LINS1: variants seen among roughly 807,000 people sequenced by gnomAD.
LINS1 encodes the protein protein Lines homolog 1.
LINS1 carries 27 observed loss-of-function variants against 41.6 expected under a neutral mutation model. The observed-to-expected ratio is 0.65, with a 90% CI of 0.48 to 0.89. The LOEUF (loss-of-function observed/expected upper bound fraction) is 0.89. Among genes scored for constraint, LINS1 ranks in the 40% least tolerant of loss-of-function variants. The pLI is 0.00. For missense variants in LINS1, 955 were observed against 884.1 expected, an observed-to-expected ratio of 1.08 and a Z score of -1.02; for synonymous variants, 336 against 312.9, an observed-to-expected ratio of 1.07 and a Z score of -0.78.
rs56911211 is a variant in LINS1, at chr15:100,600,551, CAAA to C, written c.-104+1567_-104+1569del. Among the ~76,000 whole-genome samples, 97 of 79,680 alleles carry C rather than the reference CAAA, an allele frequency of 1.2e-3. 4 individuals carry two copies. Among genetic ancestry groups the C allele is most frequent in the African/African-American group, 5.7e-3 (86 of 15,012 alleles). 52.3% of individuals were successfully genotyped at this position (79,680 alleles called of 152,430 possible). ...TTTACATTGGAGTCCTGCTGTTAAGCAAAAAAAAAAAAAAAAAAAACAGGGAGA... is the reference window on the plus strand; with the variant it reads ...TTTACATTGGAGTCCTGCTGTTAAGCAAAAAAAAAAAAAAAAACAGGGAGA... On this transcript the variant is annotated intron_variant, in intron 1 of 6. Coordinates refer to ENST00000314742, the MANE Select transcript of LINS1 (RefSeq NM_001040616.3).
At chr15:100,601,915 T>C (rs1410624407) in intron 1 of LINS1, among the ~76,000 whole-genome samples, 1 of 152,128 alleles carries the variant, frequency 6.6e-6, no homozygotes, top group Non-Finnish European at 1.5e-5. Context: ...GCCTGGAAGC[T>C]AACGGGGTCT....
chr15:100,596,562 A>G (rs2039252946), intron 1 of LINS1, among the ~76,000 whole-genome samples: 2 of 152,378 alleles, frequency 1.3e-5, no homozygotes, highest in Admixed American at 6.5e-5. Flanking sequence ...TACAGGAGCT[A>G]GAAATTATTT....
chr15:100,595,012 C>T (rs2039186624), intron 1 of LINS1, among the ~76,000 whole-genome samples: 1 of 152,160 alleles, frequency 6.6e-6, no homozygotes, highest in Admixed American at 6.5e-5. Flanking sequence ...GTTACTATGA[C>T]CTTGATTTTA....
chr15:100,593,244 A>T (rs1300533728), intron 1 of LINS1, among the ~76,000 whole-genome samples: 2 of 152,222 alleles, frequency 1.3e-5, no homozygotes, highest in African/African-American at 4.8e-5. Context: ...GGGCAGTCTT[A>T]CTAGGTAAGT....
At chr15:100,580,221 T>A (rs2141306257) in intron 3 of LINS1, 42 bp downstream of exon 3, 1 of 1,419,038 alleles carries the variant, frequency 7.0e-7, no homozygotes, top group East Asian at 2.5e-5. Context: ...TAAAAAAAAT[T>A]AAGAAAGAGA....
At chr15:100,597,221 A>G (rs1009733628) in intron 1 of LINS1, among the ~76,000 whole-genome samples, 2 of 152,018 alleles carry the variant, frequency 1.3e-5, no homozygotes, top group Non-Finnish European at 2.9e-5. Flanking sequence ...TGGCAACAGT[A>G]TCTTTCTCAA....
At chr15:100,584,834 G>C (rs1473528197) in intron 1 of LINS1, among the ~76,000 whole-genome samples, 1 of 152,204 alleles carries the variant, frequency 6.6e-6, no homozygotes, top group African/African-American at 2.4e-5. Context: ...TGTTCCACCT[G>C]TGCTTCTGAT....
intron 1 of LINS1, among the ~76,000 whole-genome samples, chr15:100,593,569 G>GA (rs1567100299): frequency 1.5e-5 from 2 of 136,822 alleles, no homozygotes; most frequent in Non-Finnish European, 3.2e-5. Context: ...TGGGGGGGGG[G>GA]GGTGCTTAAT....
intron 4 of LINS1, 41 bp downstream of exon 4, chr15:100,574,946 G>C (rs768286913): frequency 6.2e-7 from 1 of 1,600,818 alleles, no homozygotes; most frequent in Non-Finnish European, 8.5e-7. Context: ...ACGCTCCCAG[G>C]AGCAAGATGA....
intron 1 of LINS1, among the ~76,000 whole-genome samples, chr15:100,596,725 CA>C (rs2039262756): frequency 6.6e-6 from 1 of 152,176 alleles, no homozygotes; most frequent in Non-Finnish European, 1.5e-5. Flanking sequence ...TGAATGCCGG[CA>C]GCTGTGCCAA....
rs755488481 is a variant in LINS1, at chr15:100,572,107, G to C, written c.1223-42C>G. The C allele has an allele frequency of 2.5e-6, 4 of 1,608,864 alleles. No individual in the cohort carries two copies. The African/African-American group carries it at 5.4e-5, about 22-fold the overall frequency. On this transcript the variant is annotated intron_variant, in intron 5 of 6. Transcript: ENST00000314742. ...TTTCAAAGTGTAGGCAATAGTTTAT[G>C]AATGAATGAATATCTTGCCTATATA...
In LINS1 at chr15:100,573,887, TGATG is replaced by T. The variant is rs774968400; in HGVS notation, c.982_985del (p.His328MetfsTer2). ...TAAAGCCAGCATGTCCACCGCTACA[TGATG>T]GTCTGGCGGCATTAAGGCAGGCACA... On this transcript the variant is annotated frameshift_variant, in exon 5 of 7. Transcript: ENST00000314742. LOFTEE classifies it high-confidence loss of function. 1.3e-5 allele frequency: 21 copies of T among 1,614,118 alleles called. No individual in the cohort carries two copies. Among genetic ancestry groups the T allele is most frequent in the Middle Eastern group, 1.6e-4 (1 of 6,084 alleles).
chr15:100,591,804 C>T (rs2039051104), intron 1 of LINS1, among the ~76,000 whole-genome samples: 4 of 152,076 alleles, frequency 2.6e-5, no homozygotes, highest in Admixed American at 1.3e-4. Context: ...CAGAGAGGGG[C>T]GAGAGTTCCA....
chr15:100,596,223 A>G (rs954679842), intron 1 of LINS1, among the ~76,000 whole-genome samples: 1 of 152,178 alleles, frequency 6.6e-6, no homozygotes, highest in East Asian at 1.9e-4. Context: ...CCTCAAAACA[A>G]TAGTACTCAA....
rs2037981264 is a variant in LINS1 at position 100,573,721 on chromosome 15, T to C, written c.1152A>G (p.Ala384=). Reference sequence around the variant, plus strand: ...AGGATTTCATTATAACTAAGCTTGCTGCTCTAAGGATCACATGATCTGGAC... The same window carrying C: ...AGGATTTCATTATAACTAAGCTTGCCGCTCTAAGGATCACATGATCTGGAC... ...ITSPDHVILR[A]ASLVIMKSLE... Residue 384 remains alanine (A), a synonymous_variant, in exon 5 of 7, where the codon GCA becomes GCG. Coordinates refer to ENST00000314742, the MANE Select transcript of LINS1 (RefSeq NM_001040616.3). 1 of 1,613,062 alleles carries C rather than the reference T, an allele frequency of 6.2e-7. No homozygotes were observed. The highest frequency in any genetic ancestry group is 8.5e-7 in the Non-Finnish European group (1 of 1,179,182).
At chr15:100,595,570 A>C (rs568702585) in intron 1 of LINS1, among the ~76,000 whole-genome samples, 56 of 152,252 alleles carry the variant, frequency 3.7e-4, no homozygotes, top group Non-Finnish European at 7.5e-4. Context: ...TGAGAATGAA[A>C]AACGGCACAT....
chr15:100,594,699 TGACAA>T (rs1375872154), intron 1 of LINS1, among the ~76,000 whole-genome samples: 1 of 152,158 alleles, frequency 6.6e-6, no homozygotes, highest in East Asian at 1.9e-4. Flanking sequence ...TAGAAAATAA[TGACAA>T]GAAGAAAAAA....
At position 100,571,861 on chromosome 15, in the gene LINS1, G is replaced by A. The variant is rs1207471299; in HGVS notation, c.1394+33C>T. The stretch of plus-strand genomic sequence containing the variant: ...ATGTTTTCTGCTTTCCTGACTTGTA[G>A]GCCGTTCAATAATTACTTTAAAATA... On this transcript the variant is annotated intron_variant, in intron 6 of 6. Transcript: ENST00000314742. 2.5e-6 allele frequency: 4 copies of A among 1,612,110 alleles called. No homozygotes were observed. In the African/African-American group the frequency reaches 5.3e-5, roughly 22 times the overall value.
At position 100,574,118 on chromosome 15, in the gene LINS1, A is replaced by G. The variant is rs1437359588; in HGVS notation, c.755T>C (p.Phe252Ser). ...TSKIVNILMCFLDLLELLIAS... is the reference protein window; with the variant it reads ...TSKIVNILMCSLDLLELLIAS... Reference sequence around the variant, plus strand: ...GATGAGAAGCTCAAGCAAATCCAGGAAACACATCAGGATGTTTACTATTTT... The same window carrying G: ...GATGAGAAGCTCAAGCAAATCCAGGGAACACATCAGGATGTTTACTATTTT... The change falls in exon 5 of 7, where the codon TTC (phenylalanine) becomes TCC (serine). Residue 252 changes from phenylalanine (F) to serine (S), a missense_variant. By Grantham distance (155) the Phe-to-Ser change is radical. Coordinates refer to ENST00000314742, the MANE Select transcript of LINS1 (RefSeq NM_001040616.3). 1 of 1,614,112 alleles carries G rather than the reference A, an allele frequency of 6.2e-7. No homozygotes were observed. The highest frequency in any genetic ancestry group is 1.7e-5 in the Admixed American group (1 of 60,034).
Sources: allele counts gnomAD v4.1 joint callset (sites outside exome capture counted in the v4.1 genomes callset), GRCh38; gene constraint gnomAD v4.1.1; transcripts MANE v1.5; gene names NCBI Gene and HGNC (gene_info 2026-07-23, HGNC 2026-07-21).